The following ACSS1 variants were observed in gnomAD, a reference collection of about 807,000 sequenced individuals.
The protein encoded by ACSS1 is acyl-CoA synthetase short chain family member 1.
In ACSS1, 42 loss-of-function variants were observed where a neutral mutation model predicts 75.3. The ratio of observed to expected loss-of-function variants is 0.56; its 90% CI spans 0.44 to 0.72. The LOEUF (loss-of-function observed/expected upper bound fraction) is 0.72, where lower values mean the gene tolerates loss of function less well. Ranked by LOEUF, ACSS1 falls within the 30% of genes least tolerant of loss-of-function variation. The pLI is 0.00. For synonymous variants in ACSS1, 380 were observed against 376.8 expected, an observed-to-expected ratio of 1.01 and a Z score of -0.10; for missense variants, 782 against 935.7, an observed-to-expected ratio of 0.84 and a Z score of 2.14.
At chr20:25,027,375 T>C (rs1043315856) in intron 3 of ACSS1, among the ~76,000 whole-genome samples, 7 of 152,102 alleles carry the variant, frequency 4.6e-5, no homozygotes, top group African/African-American at 1.4e-4. Context: ...ATATAAACAA[T>C]GATACAAAAC....
chr20:25,046,578 G>A (rs1310546645), intron 2 of ACSS1: 2 of 540,846 alleles, frequency 3.7e-6, no homozygotes, highest in Non-Finnish European at 6.6e-6. Context: ...ACCTCCAGGT[G>A]TCCAGTTAGC....
intron 2 of ACSS1, among the ~76,000 whole-genome samples, chr20:25,043,535 G>A (rs757581524): frequency 8.5e-5 from 13 of 152,352 alleles, no homozygotes; most frequent in Non-Finnish European, 1.6e-4. Flanking sequence ...GCACACCCAG[G>A]GAGAAAACCT....
At chr20:25,012,773 A>T in intron 11 of ACSS1, 39 bp downstream of exon 11, 1 of 1,613,068 alleles carries the variant, frequency 6.2e-7, no homozygotes, top group South Asian at 1.1e-5. Context: ...GGCATCATGG[A>T]GGTGTAGGAG....
intron 2 of ACSS1, among the ~76,000 whole-genome samples, chr20:25,040,451 A>C (rs1285615874): frequency 2.0e-5 from 3 of 152,254 alleles, no homozygotes; most frequent in Non-Finnish European, 2.9e-5. Context: ...TCCAGAGAGC[A>C]CAGCCACTTG....
At chr20:25,028,408 A>G (rs1026181819) in intron 3 of ACSS1, among the ~76,000 whole-genome samples, 1 of 152,256 alleles carries the variant, frequency 6.6e-6, no homozygotes, top group African/African-American at 2.4e-5. Flanking sequence ...TAATAGATAC[A>G]TAGGTAATCA....
Position 25,007,744 on chromosome 20 carries a change from G to C in ACSS1, c.*18C>G. ...GCTTGGGTGCCCGCCCATCCCAAGA[G>C]CCCCACAAGGTGCCAGCTCACTTAG... On this transcript the variant is annotated 3_prime_UTR_variant, in exon 14 of 14. Coordinates refer to ENST00000323482, the MANE Select transcript of ACSS1 (RefSeq NM_032501.4). The C allele has an allele frequency of 1.2e-6, 2 of 1,612,134 alleles. No homozygotes were observed. Among genetic ancestry groups the C allele is most frequent in the Non-Finnish European group, 1.7e-6 (2 of 1,178,636 alleles).
chr20:25,006,649 C>CTGG lies in ACSS1; in HGVS notation c.*1112_*1113insCCA. The CTGG allele has an allele frequency of 1.5e-6, 1 of 684,356 alleles. No homozygotes were observed. Among genetic ancestry groups the CTGG allele is most frequent in the South Asian group, 2.1e-5 (1 of 47,168 alleles). 42.4% of individuals were successfully genotyped at this position (684,356 alleles called of 1,614,324 possible). A position where few individuals can be genotyped will look rare whatever the true frequency, so the allele number is the denominator to read the frequency against. The stretch of plus-strand genomic sequence containing the variant: ...CTGGGCCTCCTTCCCCTGCCAACCG[C>CTGG]CAGCCCCTGCATGCCTAGCAGGGAG... On this transcript the variant is annotated 3_prime_UTR_variant, in exon 14 of 14. Coordinates refer to ENST00000323482, the MANE Select transcript of ACSS1 (RefSeq NM_032501.4).
chr20:25,045,950 G>C (rs980665846), intron 2 of ACSS1: 3 of 151,816 alleles, frequency 2.0e-5, no homozygotes, highest in Non-Finnish European at 4.4e-5. Flanking sequence ...TTTTGAGATG[G>C]AGTCTGACTC....
chr20:25,021,174 C>T (rs184731351), intron 6 of ACSS1, among the ~76,000 whole-genome samples: 3 of 152,344 alleles, frequency 2.0e-5, no homozygotes, highest in East Asian at 1.9e-4. Flanking sequence ...GAGATGTCCT[C>T]CAGCACCAAG....
chr20:25,052,098 G>A (rs941204949), intron 1 of ACSS1, among the ~76,000 whole-genome samples: 33 of 152,152 alleles, frequency 2.2e-4, no homozygotes, highest in African/African-American at 7.0e-4. Flanking sequence ...ATGGCTCTTC[G>A]CACATAGTTA....
In ACSS1 at chr20:25,057,904, G is replaced by C. The variant is rs774364460; in HGVS notation, c.199C>G (p.Arg67Gly). The change falls in exon 1 of 14, where the codon CGG becomes GGG. Residue 67 changes from arginine (R) to glycine (G), a missense_variant. This residue lies in a region of ACSS1 where 377 missense variants were observed against 383.1 expected (regional missense o/e 0.98). Transcript: ENST00000323482. ...SYPALSAQAA[R>G]EPAAFWGPLA... ...GGCCCCCAGAAGGCGGCCGGCTCCC[G>C]GGCTGCCTGTGCACTCAGCGCGGGA... The C allele has an allele frequency of 6.2e-6, 10 of 1,612,128 alleles. No homozygotes were observed. In the Admixed American group the frequency reaches 1.5e-4, roughly 24 times the overall value.
intron 6 of ACSS1, among the ~76,000 whole-genome samples, chr20:25,021,125 G>A (rs1476799821): frequency 1.3e-5 from 2 of 152,240 alleles, no homozygotes; most frequent in Non-Finnish European, 2.9e-5. Context: ...GAGGCCGGCA[G>A]TTTAAGTCAG....
At chr20:25,036,494 T>C (rs1223993781) in intron 2 of ACSS1, among the ~76,000 whole-genome samples, 1 of 131,224 alleles carries the variant, frequency 7.6e-6, no homozygotes, top group Non-Finnish European at 1.5e-5. Context: ...GGAAACAGAG[T>C]TCAGAGAAAA....
chr20:25,031,127 A>C, intron 2 of ACSS1, 169 bp from the exon 3 acceptor site: 1 of 745,154 alleles, frequency 1.3e-6, no homozygotes, highest in Non-Finnish European at 2.3e-6. Flanking sequence ...CAGAAAAAGA[A>C]AAGTTTTTAA....
chr20:25,034,103 C>T (rs2088871183), intron 2 of ACSS1, among the ~76,000 whole-genome samples: 1 of 152,142 alleles, frequency 6.6e-6, no homozygotes, highest in African/African-American at 2.4e-5. Context: ...AGGTCATAAA[C>T]CTTGAAGTGG....
intron 2 of ACSS1, chr20:25,032,643 C>G: frequency 8.2e-7 from 1 of 1,225,470 alleles, no homozygotes; most frequent in Non-Finnish European, 1.0e-6. Flanking sequence ...CTCGGGCTCT[C>G]AAGGCCGCTC....
At chr20:25,037,961 T>C (rs2088942296) in intron 2 of ACSS1, among the ~76,000 whole-genome samples, 1 of 152,230 alleles carries the variant, frequency 6.6e-6, no homozygotes. Flanking sequence ...AAACCAAGTA[T>C]GAAATTTCTC....
chr20:25,036,421 C>T (rs11699824), intron 2 of ACSS1, among the ~76,000 whole-genome samples: 21 of 152,128 alleles, frequency 1.4e-4, no homozygotes, highest in Admixed American at 1.4e-3. Flanking sequence ...GACGGTACAA[C>T]TGCACCCCTG....
At chr20:25,036,122 G>A (rs1366278483) in intron 2 of ACSS1, among the ~76,000 whole-genome samples, 3 of 152,184 alleles carry the variant, frequency 2.0e-5, no homozygotes, top group Admixed American at 1.3e-4. Flanking sequence ...AGTCCAAGAA[G>A]AAATATAACA....
Sources: allele counts gnomAD v4.1 joint callset (sites outside exome capture counted in the v4.1 genomes callset), GRCh38; gene constraint gnomAD v4.1.1; regional missense constraint gnomAD v4.1.1; transcripts MANE v1.5; gene names NCBI Gene and HGNC (gene_info 2026-07-23, HGNC 2026-07-21).